ZNF141: variants seen among roughly 807,000 people sequenced by gnomAD.
ZNF141 encodes zinc finger protein 141 (clone pHZ-44).
Under a neutral mutation model 11.3 loss-of-function variants are expected in ZNF141, and 7 were observed. The observed-to-expected ratio is 0.62, with a 90% confidence interval of 0.35 to 1.16. The LOEUF (loss-of-function observed/expected upper bound fraction) is 1.16. Among genes scored for constraint, ZNF141 ranks in the 50% most tolerant of loss-of-function variants. The pLI, the probability that ZNF141 is intolerant of heterozygous loss-of-function variation, is 0.02. For missense variants in ZNF141, 535 were observed against 554.0 expected, an observed-to-expected ratio of 0.97 and a Z score of 0.34; for synonymous variants, 183 against 190.7, an observed-to-expected ratio of 0.96 and a Z score of 0.33.
chr4:349,958 C>T (rs567053149), intron 3 of ZNF141, among the ~76,000 whole-genome samples: 186 of 152,100 alleles, frequency 1.2e-3, no homozygotes, highest in Middle Eastern at 3.4e-3. Flanking sequence ...TGATTGTGTA[C>T]AACTGGCCAT....
At chr4:347,591 G>T (rs1235676183) in intron 3 of ZNF141, among the ~76,000 whole-genome samples, 1 of 148,144 alleles carries the variant, frequency 6.8e-6, no homozygotes, top group African/African-American at 2.5e-5. Context: ...CGCCTGCCTC[G>T]GCCTCCCAAA....
At position 338,223 on chromosome 4, in the gene ZNF141, G is replaced by A. The variant is rs561139622; in HGVS notation, c.3+237G>A. 6.3e-5 allele frequency: 31 copies of A among 489,320 alleles called. No homozygotes were observed. The South Asian group carries it at 6.4e-4, about 10-fold the overall frequency. The allele number at this position is 489,320 out of a possible 1,614,324, so 30.3% of individuals were successfully genotyped here. A position where few individuals can be genotyped will look rare whatever the true frequency, so the allele number is the denominator to read the frequency against. ...CGCAGCCCCGCACCTTCCCCAGGCT[G>A]TGGGGTGAGGAGTAGCTTATCTGGA... On this transcript the variant is annotated intron_variant, in intron 1 of 3. Transcript: ENST00000240499.
At chr4:341,097 C>G (rs181001629) in intron 1 of ZNF141, among the ~76,000 whole-genome samples, 1 of 149,188 alleles carries the variant, frequency 6.7e-6, no homozygotes, top group East Asian at 2.0e-4. Context: ...GAGACAGAAT[C>G]TCGCTCTGTC....
intron 3 of ZNF141, among the ~76,000 whole-genome samples, chr4:368,853 GT>G (rs1294255056): frequency 6.6e-6 from 1 of 152,062 alleles, no homozygotes; most frequent in African/African-American, 2.4e-5. Flanking sequence ...GTGCTTCATT[GT>G]TTCTTGAAAT....
chr4:364,450 T>G (rs1553852651), intron 3 of ZNF141, among the ~76,000 whole-genome samples: 1 of 152,226 alleles, frequency 6.6e-6, no homozygotes, highest in East Asian at 1.9e-4. Context: ...ATTTATCCAT[T>G]TCTTCTAGAT....
At chr4:357,308 A>G (rs1425642412) in intron 3 of ZNF141, among the ~76,000 whole-genome samples, 2 of 150,660 alleles carry the variant, frequency 1.3e-5, no homozygotes, top group African/African-American at 4.9e-5. Context: ...TTATTTATGT[A>G]TTTATTTTAG....
chr4:369,277 G>A (rs1210661220), intron 3 of ZNF141, among the ~76,000 whole-genome samples: 1 of 151,968 alleles, frequency 6.6e-6, no homozygotes, highest in African/African-American at 2.4e-5. Flanking sequence ...CCCCTTATGA[G>A]CTTTTAGTTA....
rs1210256330 is a variant in ZNF141 at position 380,247 on chromosome 4, G to A, written c.*6385G>A. ...TTCATTTCTTGGTTGAAAAACTCAC[G>A]TGATGAGAAGATATTTCTGTATTAA... On this transcript the variant is annotated 3_prime_UTR_variant, in exon 4 of 4. Coordinates refer to ENST00000240499, the MANE Select transcript of ZNF141 (RefSeq NM_003441.4). 6.6e-6 allele frequency among the ~76,000 whole-genome samples: 1 copy of A among 152,162 alleles called. No individual in the cohort carries two copies. The highest frequency in any genetic ancestry group is 1.5e-5 in the Non-Finnish European group (1 of 68,034).
At chr4:361,742 G>A (rs1446865968) in intron 3 of ZNF141, among the ~76,000 whole-genome samples, 4 of 152,154 alleles carry the variant, frequency 2.6e-5, no homozygotes, top group Non-Finnish European at 4.4e-5. Context: ...ATTCCATGGT[G>A]TATATGTGCC....
Position 374,738 on chromosome 4 carries a change from A to C in ZNF141, c.*876A>C, listed in dbSNP as rs565068683. ...CTTTAAGCCATACTCCAGGCTTCTT[A>C]AACATAATGAGAACTCATACTGGAG... On this transcript the variant is annotated 3_prime_UTR_variant, in exon 4 of 4. Coordinates refer to ENST00000240499, the MANE Select transcript of ZNF141 (RefSeq NM_003441.4). The C allele has an allele frequency of 1.3e-5, 2 of 154,042 alleles. No homozygotes were observed. Among genetic ancestry groups the C allele is most frequent in the South Asian group, 4.1e-4 (2 of 4,916 alleles). 9.5% of individuals were successfully genotyped at this position (154,042 alleles called of 1,614,324 possible).
rs1430536658 is a variant in ZNF141, at chr4:382,031, C to T, written c.*8169C>T. On this transcript the variant is annotated 3_prime_UTR_variant, in exon 4 of 4. Transcript: ENST00000240499. ...CTCGATCTCGGCTCACTGCAAGCTC[C>T]ACCTCCCAGGTTCACGCCATTCTCC... 4.0e-5 allele frequency among the ~76,000 whole-genome samples: 6 copies of T among 149,920 alleles called. No individual in the cohort carries two copies. Among genetic ancestry groups the T allele is most frequent in the African/African-American group, 1.2e-4 (5 of 40,174 alleles).
At position 353,291 on chromosome 4, in the gene ZNF141, T is replaced by A. The variant is rs1328290019; in HGVS notation, c.226+8861T>A. ...TGGGGGACTGAGTCTGGAGGATTGCTTGAACCCTCAGAGGTCAAGGCTGCT... is the reference window on the plus strand; with the variant it reads ...TGGGGGACTGAGTCTGGAGGATTGCATGAACCCTCAGAGGTCAAGGCTGCT... On this transcript the variant is annotated intron_variant, in intron 3 of 3. Coordinates refer to ENST00000240499, the MANE Select transcript of ZNF141 (RefSeq NM_003441.4). Among the ~76,000 whole-genome samples, 3 of 151,000 alleles carry A rather than the reference T, an allele frequency of 2.0e-5. No individual in the cohort carries two copies. The East Asian group carries it at 5.9e-4, about 30-fold the overall frequency.
intron 3 of ZNF141, among the ~76,000 whole-genome samples, chr4:352,810 G>T (rs745690227): frequency 5.9e-5 from 9 of 151,998 alleles, no homozygotes; most frequent in Non-Finnish European, 1.0e-4. Context: ...AATCGTTTTT[G>T]CTAAGTTCTG....
chr4:355,436 T>C (rs1721796575), intron 3 of ZNF141, among the ~76,000 whole-genome samples: 1 of 152,066 alleles, frequency 6.6e-6, no homozygotes, highest in Non-Finnish European at 1.5e-5. Context: ...GAACTCCTGA[T>C]TGCAGGTGAT....
At chr4:339,279 C>T (rs902394068) in intron 1 of ZNF141, among the ~76,000 whole-genome samples, 1 of 152,260 alleles carries the variant, frequency 6.6e-6, no homozygotes, top group Non-Finnish European at 1.5e-5. Flanking sequence ...TTTGGACCAC[C>T]TGATCCTAAT....
In ZNF141 at chr4:373,942, T is replaced by A; in HGVS notation, c.*80T>A. 7.9e-7 allele frequency: 1 copy of A among 1,269,914 alleles called. No homozygotes were observed. The highest frequency in any genetic ancestry group is 1.1e-6 in the Non-Finnish European group (1 of 906,852). 78.7% of individuals were successfully genotyped at this position (1,269,914 alleles called of 1,614,324 possible). On this transcript the variant is annotated 3_prime_UTR_variant, in exon 4 of 4. Transcript: ENST00000240499. ...TTAATGAACATGAGAAAATTTATAC[T>A]GTAGAGAAACCCTGGAAATGTGAAG...
At chr4:356,752 T>C (rs782580049) in intron 3 of ZNF141, among the ~76,000 whole-genome samples, 2 of 152,250 alleles carry the variant, frequency 1.3e-5, no homozygotes, top group Non-Finnish European at 2.9e-5. Flanking sequence ...TAAGAACTTA[T>C]TACTGCCATT....
Position 373,561 on chromosome 4 carries a change from C to A in ZNF141, c.1124C>A (p.Ala375Asp). Residue 375 changes from alanine (A) to aspartate (D), a missense_variant, in exon 4 of 4, where the codon GCC (alanine) becomes GAC (aspartate). Coordinates refer to ENST00000240499, the MANE Select transcript of ZNF141 (RefSeq NM_003441.4). ...RPYKCDECGKAFGRSRVLNEH... is the reference protein window; with the variant it reads ...RPYKCDECGKDFGRSRVLNEH... ...TACAAATGTGATGAATGTGGCAAAG[C>A]CTTTGGACGGTCCAGGGTCCTGAAT... 6.2e-7 allele frequency: 1 copy of A among 1,613,312 alleles called. No individual in the cohort carries two copies. Among genetic ancestry groups the A allele is most frequent in the Non-Finnish European group, 8.5e-7 (1 of 1,179,780 alleles).
At position 373,003 on chromosome 4, in the gene ZNF141, A is replaced by G. The variant is rs781982839; in HGVS notation, c.566A>G (p.His189Arg). The change falls in exon 4 of 4, where the codon CAT becomes CGT. Residue 189 changes from histidine (H) to arginine (R), a missense_variant. Physicochemically the swap from His to Arg is conservative, Grantham distance 29. Transcript: ENST00000240499. ...CAGAAGTTTTCACACCTAACTCAAC[A>G]TAAGGTAATTCATGCTGGAGAGAAA... is the stretch of plus-strand genomic sequence containing the variant. Reference protein sequence around the residue: ...SFQKFSHLTQHKVIHAGEKPY... With the variant: ...SFQKFSHLTQRKVIHAGEKPY... 6.8e-6 allele frequency: 11 copies of G among 1,614,018 alleles called. No individual in the cohort carries two copies. In the South Asian group the frequency reaches 1.2e-4, roughly 18 times the overall value.
Sources: allele counts gnomAD v4.1 joint callset (sites outside exome capture counted in the v4.1 genomes callset), GRCh38; gene constraint gnomAD v4.1.1; transcripts MANE v1.5; gene names NCBI Gene and HGNC (gene_info 2026-07-23, HGNC 2026-07-21).